The following HSPG2 variants were observed in gnomAD, a reference collection of about 807,000 sequenced individuals.
HSPG2 encodes the protein basement membrane-specific heparan sulfate proteoglycan core protein.
Under a neutral mutation model 526.6 loss-of-function variants are expected in HSPG2, and 278 were observed. The observed-to-expected ratio is 0.53, with a 90% CI of 0.48 to 0.58. The LOEUF is 0.58. HSPG2 is among the 20% of genes least tolerant of loss of function. HSPG2 has a pLI of 0.00. For missense variants in HSPG2, 5,354 were observed against 6,099.5 expected (o/e 0.88, Z 4.07); for synonymous variants, 2,465 against 2,555.4 (o/e 0.96, Z 1.07).
chr1:21,876,928 A>G (rs1641114524), intron 21 of HSPG2, among the ~76,000 whole-genome samples: 2 of 152,188 alleles, frequency 1.3e-5, no homozygotes, highest in Non-Finnish European at 2.9e-5. Flanking sequence ...GCGTGGTGGC[A>G]CACAGCTGTA....
At chr1:21,929,118 T>G (rs1644283273) in intron 1 of HSPG2, among the ~76,000 whole-genome samples, 1 of 152,134 alleles carries the variant, frequency 6.6e-6, no homozygotes, top group South Asian at 2.1e-4. Context: ...CAAACAGCAA[T>G]GAACAAAGCC....
intron 1 of HSPG2, among the ~76,000 whole-genome samples, chr1:21,923,835 C>T (rs1051608855): frequency 2.6e-5 from 4 of 152,238 alleles, no homozygotes; most frequent in Non-Finnish European, 5.9e-5. Flanking sequence ...ACCGCTGTCA[C>T]TCCGAGAATG....
rs775723776 is a variant in HSPG2 at position 21,824,601 on chromosome 1, G to A, written c.12680C>T (p.Pro4227Leu). The A allele has an allele frequency of 1.2e-6, 2 of 1,613,908 alleles. No homozygotes were observed. The highest frequency in any genetic ancestry group is 4.5e-5 in the East Asian group (2 of 44,898). The change falls in exon 93 of 97, where the codon CCC becomes CTC. Residue 4227 changes from proline to leucine, a missense_variant. By Grantham distance (98) the Pro-to-Leu change is moderately conservative. Transcript: ENST00000374695. This position sits in a 1 kb window ranked among gnomAD's most constrained non-coding sequence, Gnocchi z 5.9. The stretch of plus-strand genomic sequence containing the variant: ...CCGAACCTCCAGCTCGATGGTCTCG[G>A]GCACCTCGGGCAGGCTGCGGAGGAA... ...HVFSRSLPEV[P>L]ETIELEVRTS...
intron 3 of HSPG2, among the ~76,000 whole-genome samples, chr1:21,892,559 G>A (rs533149604): frequency 1.0e-3 from 154 of 152,370 alleles, no homozygotes; most frequent in Admixed American, 5.1e-3. Flanking sequence ...GGGGCAGAAG[G>A]TGAGGCCACC....
Position 21,822,874 on chromosome 1 carries a change from G to A in HSPG2, c.*442C>T, listed in dbSNP as rs1272398722. On this transcript the variant is annotated 3_prime_UTR_variant, in exon 97 of 97. Coordinates refer to ENST00000374695, the MANE Select transcript of HSPG2 (RefSeq NM_005529.7). ...CTAAAGACAATTCCCAATCCTGAGT[G>A]GGTGGCAGAGACTCCTGCGATGCCC... The A allele has an allele frequency of 6.1e-6, 1 of 164,988 alleles. No homozygotes were observed. The highest frequency in any genetic ancestry group is 5.9e-5 in the Admixed American group (1 of 16,996). 10.2% of individuals were successfully genotyped at this position (164,988 alleles called of 1,614,324 possible).
In HSPG2 at chr1:21,831,716, A is replaced by G. The variant is rs1478742153; in HGVS notation, c.11288T>C (p.Leu3763Pro). The G allele has an allele frequency of 6.2e-7, 1 of 1,606,636 alleles. No individual in the cohort carries two copies. The highest frequency in any genetic ancestry group is 1.7e-5 in the Admixed American group (1 of 59,450). The change falls in exon 82 of 97, where the codon CTG (leucine) becomes CCG (proline). Residue 3763 changes from leucine (L) to proline (P), a missense_variant. Physicochemically the swap from Leu to Pro is moderately conservative, Grantham distance 98. Coordinates refer to ENST00000374695, the MANE Select transcript of HSPG2 (RefSeq NM_005529.7). ...ALGHFHTVTLLRSLTQGSLIV... is the reference protein window; with the variant it reads ...ALGHFHTVTLPRSLTQGSLIV... Reference sequence around the variant, plus strand: ...CAGGGAGCCCTGGGTGAGGCTGCGCAGCAGGGTCACGGTGTGGAAATGGCC... The same window carrying G: ...CAGGGAGCCCTGGGTGAGGCTGCGCGGCAGGGTCACGGTGTGGAAATGGCC...
intron 80 of HSPG2, 148 bp from the exon 81 acceptor site, chr1:21,832,754 C>T: frequency 1.5e-6 from 1 of 650,910 alleles, no homozygotes; most frequent in Admixed American, 2.4e-5. Flanking sequence ...AGGGCCTTCT[C>T]ACTATCTCAG....
intron 1 of HSPG2, among the ~76,000 whole-genome samples, chr1:21,936,021 C>T (rs1569758010): frequency 6.6e-6 from 1 of 152,098 alleles, no homozygotes; most frequent in East Asian, 1.9e-4. Context: ...GCCAGGCAGG[C>T]AGTTCCTGGG....
chr1:21,895,481 A>G lies in HSPG2; in HGVS notation c.244+441T>C, dbSNP rs1318346476. Among the ~76,000 whole-genome samples the G allele has an allele frequency of 6.6e-6, 1 of 152,120 alleles. No homozygotes were observed. Among genetic ancestry groups the G allele is most frequent in the Non-Finnish European group, 1.5e-5 (1 of 67,992 alleles). ...GCGTCAGGCTCGATCTGTGCTCTGC[A>G]TGCCCTGCTGCCTGCCTGAATGCCC... is the stretch of plus-strand genomic sequence containing the variant. On this transcript the variant is annotated intron_variant, in intron 3 of 96. Transcript: ENST00000374695. This position sits in a 1 kb window ranked among gnomAD's most constrained non-coding sequence, Gnocchi z 4.1.
At chr1:21,903,674 C>T (rs1453978745) in intron 1 of HSPG2, among the ~76,000 whole-genome samples, 1 of 152,226 alleles carries the variant, frequency 6.6e-6, no homozygotes, top group African/African-American at 2.4e-5. Context: ...TTGCCTCCTT[C>T]CTGGGGCTAC....
At position 21,827,779 on chromosome 1, in the gene HSPG2, C is replaced by A. The variant is rs1041709851; in HGVS notation, c.12589+84G>T. 4.7e-5 allele frequency: 66 copies of A among 1,405,464 alleles called. No individual in the cohort carries two copies. The Admixed American group carries it at 5.1e-4, about 11-fold the overall frequency. 87.1% of individuals were successfully genotyped at this position (1,405,464 alleles called of 1,614,324 possible). A position where few individuals can be genotyped will look rare whatever the true frequency, so the allele number is the denominator to read the frequency against. ...AAGCTCCTCATATAAAGCTGTTTTG[C>A]TTGCAGGCCAGAATTGAGGGTGTGG... is the stretch of plus-strand genomic sequence containing the variant. On this transcript the variant is annotated intron_variant, in intron 91 of 96. Transcript: ENST00000374695.
chr1:21,931,983 T>A (rs1644362227), intron 1 of HSPG2, among the ~76,000 whole-genome samples: 1 of 152,180 alleles, frequency 6.6e-6, no homozygotes, highest in South Asian at 2.1e-4. Context: ...TAAAAGTCCC[T>A]GGATAAATTC....
chr1:21,897,336 A>C (rs920960183), intron 1 of HSPG2, among the ~76,000 whole-genome samples: 12 of 152,366 alleles, frequency 7.9e-5, no homozygotes, highest in South Asian at 2.1e-4. Flanking sequence ...TTAAGCCAGA[A>C]GGAAATGGTC....
intron 67 of HSPG2, 63 bp downstream of exon 67, chr1:21,842,707 C>T (rs1457455190): frequency 1.5e-5 from 24 of 1,605,162 alleles, no homozygotes; most frequent in African/African-American, 5.4e-5. Flanking sequence ...GGTTTGGGTA[C>T]AGAAAGCAAC....
chr1:21,854,448 A>G, intron 49 of HSPG2, 105 bp from the exon 50 acceptor site: 1 of 1,487,800 alleles, frequency 6.7e-7, no homozygotes, highest in Non-Finnish European at 9.1e-7. Context: ...CTCTGCTCCG[A>G]GCCATCCCAT....
intron 1 of HSPG2, among the ~76,000 whole-genome samples, chr1:21,927,754 T>C (rs982770132): frequency 4.6e-5 from 7 of 152,180 alleles, no homozygotes; most frequent in African/African-American, 1.7e-4. Context: ...GGATGGACTC[T>C]GTCCTACAGC....
Position 21,872,496 on chromosome 1 carries a change from G to C in HSPG2, c.4030-119C>G, listed in dbSNP as rs1640729350. The C allele has an allele frequency of 2.1e-6, 3 of 1,414,964 alleles. No homozygotes were observed. The highest frequency in any genetic ancestry group is 5.0e-5 in the East Asian group (2 of 40,190). The allele number at this position is 1,414,964 out of a possible 1,614,324, so 87.7% of individuals were successfully genotyped here. The stretch of plus-strand genomic sequence containing the variant: ...TCCTGTTGAGATCAGGACTGCGAGA[G>C]AAATAATGGGGGCATGTGAGGGTAC... On this transcript the variant is annotated intron_variant, in intron 32 of 96. Coordinates refer to ENST00000374695, the MANE Select transcript of HSPG2 (RefSeq NM_005529.7). This position sits in a 1 kb window ranked among gnomAD's most constrained non-coding sequence, Gnocchi z 5.5.
chr1:21,873,885 CCT>C, intron 29 of HSPG2, 38 bp downstream of exon 29: 5 of 1,512,358 alleles, frequency 3.3e-6, no homozygotes, highest in Non-Finnish European at 3.6e-6. Flanking sequence ...AGGGACACCC[CCT>C]GTGCGCATCC....
intron 3 of HSPG2, among the ~76,000 whole-genome samples, chr1:21,891,768 G>A (rs1014546535): frequency 1.6e-4 from 24 of 152,108 alleles, no homozygotes; most frequent in African/African-American, 5.8e-4. Context: ...ATGCCACCAT[G>A]CCCAGCTAAT....
Sources: gnomAD v4.1 joint callset for allele counts (sites outside exome capture counted in the v4.1 genomes callset) on GRCh38, gnomAD v4.1.1 for gene constraint, Gnocchi (gnomAD v3.1) non-coding constraint, MANE v1.5 for transcripts, NCBI Gene and HGNC (gene_info 2026-07-23, HGNC 2026-07-21) for gene names.